The following CPEB1 variants were observed in gnomAD, a reference collection of about 807,000 sequenced individuals.
CPEB1 encodes the protein cytoplasmic polyadenylation element-binding protein 1.
CPEB1 carries 7 observed loss-of-function variants against 65.8 expected under a neutral mutation model. That is an observed-to-expected ratio of 0.11 (90% CI 0.06 to 0.20). The LOEUF (loss-of-function observed/expected upper bound fraction) is 0.20, where lower values mean the gene tolerates loss of function less well. Among genes scored for constraint, CPEB1 ranks in the 10% least tolerant of loss-of-function variants. CPEB1 has a pLI of 1.00. For missense variants in CPEB1, 551 were observed against 712.2 expected, an observed-to-expected ratio of 0.77 and a Z score of 2.58; for synonymous variants, 262 against 260.0, an observed-to-expected ratio of 1.01 and a Z score of -0.08.
intron 1 of CPEB1, among the ~76,000 whole-genome samples, chr15:82,632,695 C>G (rs1567235718): frequency 6.7e-6 from 1 of 148,998 alleles, no homozygotes; most frequent in African/African-American, 2.5e-5. Flanking sequence ...TTTTTTTTAA[C>G]TTTTTTTTTT....
intron 3 of CPEB1, among the ~76,000 whole-genome samples, chr15:82,579,887 C>A (rs1162255227): frequency 4.5e-5 from 5 of 112,324 alleles, no homozygotes; most frequent in Admixed American, 2.6e-4. Context: ...AGTCTGCAGT[C>A]CGGCCTGGGC....
At chr15:82,624,606 A>G (rs1259659429) in intron 3 of CPEB1, among the ~76,000 whole-genome samples, 2 of 152,158 alleles carry the variant, frequency 1.3e-5, no homozygotes, top group Non-Finnish European at 2.9e-5. Context: ...AATGGTAACA[A>G]CATCGTCACC....
chr15:82,554,537 G>A (rs1431826481), intron 6 of CPEB1, among the ~76,000 whole-genome samples: 1 of 152,152 alleles, frequency 6.6e-6, no homozygotes, highest in African/African-American at 2.4e-5. Context: ...TGTCACAACT[G>A]TTCCAAGCCA....
At chr15:82,604,046 A>G (rs2043344378) in intron 3 of CPEB1, among the ~76,000 whole-genome samples, 2 of 152,258 alleles carry the variant, frequency 1.3e-5, no homozygotes, top group South Asian at 4.1e-4. Flanking sequence ...TTCAATATGT[A>G]TGAAGAGCTA....
chr15:82,578,095 G>A (rs1050309364), intron 3 of CPEB1, among the ~76,000 whole-genome samples: 7 of 151,926 alleles, frequency 4.6e-5, no homozygotes, highest in Admixed American at 1.3e-4. Flanking sequence ...AGCCGAGATC[G>A]TGCCACTGCA....
chr15:82,548,309 C>A (rs1317995982), intron 10 of CPEB1, among the ~76,000 whole-genome samples: 1 of 151,896 alleles, frequency 6.6e-6, no homozygotes, highest in African/African-American at 2.4e-5. Context: ...CACTCCAGCA[C>A]GGCAACAGAG....
intron 5 of CPEB1, 168 bp downstream of exon 5, chr15:82,557,592 G>A: frequency 3.3e-6 from 2 of 614,918 alleles, no homozygotes; most frequent in Non-Finnish European, 5.7e-6. Flanking sequence ...ATCCTGTTAA[G>A]GATGAGAACT....
At chr15:82,584,983 C>T (rs1249553489) in intron 3 of CPEB1, among the ~76,000 whole-genome samples, 2 of 130,010 alleles carry the variant, frequency 1.5e-5, no homozygotes, top group East Asian at 2.4e-4. Flanking sequence ...AAGGTGACAA[C>T]ATCCCCTAAA....
chr15:82,552,490 C>A lies in CPEB1; in HGVS notation c.1271G>T (p.Arg424Leu). The A allele has an allele frequency of 6.3e-7, 1 of 1,581,022 alleles. No individual in the cohort carries two copies. The highest frequency in any genetic ancestry group is 1.2e-5 in the South Asian group (1 of 84,752). ...ATCACGCTAACTCACCTCCTTGCAG[C>A]GCATCCTTCGGCTGGACATCTTGAA... The part of the protein sequence containing the change: ...YYFKMSSRRM[R>L]CKEVQVIPWV... The change falls in exon 9 of 13, where the codon CGC becomes CTC. Residue 424 changes from arginine to leucine, a missense_variant. Transcript: ENST00000684509.
chr15:82,632,628 G>C (rs1214599471), intron 1 of CPEB1, among the ~76,000 whole-genome samples: 1 of 151,996 alleles, frequency 6.6e-6, no homozygotes, highest in Non-Finnish European at 1.5e-5. Context: ...CAATCTTCCT[G>C]CCTCAGCGTC....
At chr15:82,583,908 A>G (rs550618488) in intron 3 of CPEB1, among the ~76,000 whole-genome samples, 1 of 152,336 alleles carries the variant, frequency 6.6e-6, no homozygotes, top group Admixed American at 6.5e-5. Context: ...TGATCATCCT[A>G]TTGATACCAA....
At chr15:82,588,445 T>C (rs147948689) in intron 3 of CPEB1, among the ~76,000 whole-genome samples, 137 of 152,304 alleles carry the variant, frequency 9.0e-4, no homozygotes, top group Admixed American at 6.1e-3. Flanking sequence ...TGGTCAAATA[T>C]ACCATTTCAC....
At chr15:82,600,349 G>A (rs1192069715) in intron 3 of CPEB1, among the ~76,000 whole-genome samples, 1 of 151,958 alleles carries the variant, frequency 6.6e-6, no homozygotes, top group Non-Finnish European at 1.5e-5. Context: ...GGAAGATAAA[G>A]ATCATTCACT....
intron 4 of CPEB1, among the ~76,000 whole-genome samples, chr15:82,562,835 A>C (rs1209709843): frequency 7.8e-6 from 1 of 128,324 alleles, no homozygotes; most frequent in Non-Finnish European, 1.6e-5. Flanking sequence ...ATCCTGTCTC[A>C]AAAAAAAAAA....
chr15:82,643,192 G>A (rs1387997773), intron 1 of CPEB1, among the ~76,000 whole-genome samples: 1 of 152,158 alleles, frequency 6.6e-6, no homozygotes, highest in African/African-American at 2.4e-5. Context: ...AGCAGCTAGA[G>A]GCAGGTAACA....
chr15:82,544,985 A>G (rs1363081598), intron 12 of CPEB1, among the ~76,000 whole-genome samples: 1 of 152,294 alleles, frequency 6.6e-6, no homozygotes, highest in East Asian at 1.9e-4. Context: ...TAACCATGAC[A>G]GCTGCTCTCC....
At position 82,555,930 on chromosome 15, in the gene CPEB1, C is replaced by G; in HGVS notation, c.880G>C (p.Glu294Gln). The G allele has an allele frequency of 6.2e-7, 1 of 1,613,588 alleles. No individual in the cohort carries two copies. Residue 294 changes from glutamate (E) to glutamine (Q), a missense_variant, in exon 6 of 13, where the codon GAA (glutamate) becomes CAA (glutamine). Around this residue, in one of 6 missense-constraint regions of CPEB1, gnomAD observed 128 missense variants for 129.1 expected, o/e 0.99. Transcript: ENST00000684509. Reference protein sequence around the residue: ...ASVWPSWDLLEAPKDPFSIER... With the variant: ...ASVWPSWDLLQAPKDPFSIER... The stretch of plus-strand genomic sequence containing the variant: ...ATGCTGAAGGGGTCTTTGGGAGCTT[C>G]GAGGAGGTCCCAGGATGGCCACACA...
chr15:82,635,969 A>AAGC (rs1567238012), intron 1 of CPEB1, among the ~76,000 whole-genome samples: 1 of 152,188 alleles, frequency 6.6e-6, no homozygotes, highest in Non-Finnish European at 1.5e-5. Context: ...TAAACGAGAT[A>AAGC]AAGCTACAGG....
At chr15:82,618,626 C>G (rs1469941535) in intron 3 of CPEB1, among the ~76,000 whole-genome samples, 1 of 152,072 alleles carries the variant, frequency 6.6e-6, no homozygotes, top group African/African-American at 2.4e-5. Flanking sequence ...TGTCCAAAAC[C>G]TGAAATATCT....
Sources: allele counts gnomAD v4.1 joint callset (sites outside exome capture counted in the v4.1 genomes callset), GRCh38; gene constraint gnomAD v4.1.1; regional missense constraint gnomAD v4.1.1; transcripts MANE v1.5; gene names NCBI Gene and HGNC (gene_info 2026-07-23, HGNC 2026-07-21).